Variants in SEMA6D observed in about 807,000 individuals in gnomAD.
SEMA6D encodes the protein semaphorin 6D.
Under a neutral mutation model 106.6 loss-of-function variants are expected in SEMA6D, and 35 were observed. The observed-to-expected ratio is 0.33, with a 90% CI of 0.25 to 0.44. The LOEUF (loss-of-function observed/expected upper bound fraction) is 0.44. Among genes scored for constraint, SEMA6D ranks in the 20% least tolerant of loss-of-function variants. The probability of loss-of-function intolerance (pLI) is 1.00; values close to 1 mark genes in which losing one functional copy is unlikely to be tolerated. For synonymous variants in SEMA6D, 499 were observed against 487.7 expected, an observed-to-expected ratio of 1.02 and a Z score of -0.31; for missense variants, 1,185 against 1,345.9, an observed-to-expected ratio of 0.88 and a Z score of 1.87.
At chr15:47,478,505 A>C (rs1174869780) in intron 3 of SEMA6D, among the ~76,000 whole-genome samples, 2 of 152,214 alleles carry the variant, frequency 1.3e-5, no homozygotes, top group African/African-American at 4.8e-5. Flanking sequence ...GAATAATGCT[A>C]ACCAGAACGG....
Position 47,264,507 on chromosome 15 carries a change from C to G in SEMA6D, c.-239+80089C>G, listed in dbSNP as rs137972903. 8.7e-4 allele frequency among the ~76,000 whole-genome samples: 132 copies of G among 152,116 alleles called. 1 individual carries two copies. In the East Asian group the frequency reaches 0.023, roughly 27 times the overall value. ...AAAACAGTTGTACCATCTTACATTC[C>G]CATCAGCAAGGTACGAGAATTCTCT... On this transcript the variant is annotated intron_variant, in intron 1 of 19. Transcript: ENST00000558014.
intron 2 of SEMA6D, among the ~76,000 whole-genome samples, chr15:47,454,561 A>T (rs2042287356): frequency 1.3e-5 from 2 of 151,152 alleles, no homozygotes; most frequent in South Asian, 4.2e-4. Context: ...ACAGCTAAAG[A>T]TGCCTTCACA....
intron 5 of SEMA6D, 29 bp downstream of exon 5, chr15:47,761,249 A>T: frequency 6.2e-7 from 1 of 1,613,008 alleles, no homozygotes; most frequent in Non-Finnish European, 8.5e-7. Context: ...TGTCTGCTAG[A>T]TTTAGTCTTT....
At chr15:47,327,709 T>C (rs1402968907) in intron 1 of SEMA6D, among the ~76,000 whole-genome samples, 2 of 152,186 alleles carry the variant, frequency 1.3e-5, no homozygotes, top group Non-Finnish European at 2.9e-5. Flanking sequence ...CATGGCATGC[T>C]GTGTTGGACT....
intron 1 of SEMA6D, among the ~76,000 whole-genome samples, chr15:47,364,590 A>G (rs1489655167): frequency 6.6e-6 from 1 of 152,206 alleles, no homozygotes; most frequent in Non-Finnish European, 1.5e-5. Flanking sequence ...CCAACATAGA[A>G]TGCAACATAG....
At chr15:47,736,845 C>T (rs770120274) in intron 1 of SEMA6D, among the ~76,000 whole-genome samples, 1 of 151,098 alleles carries the variant, frequency 6.6e-6, no homozygotes, top group Non-Finnish European at 1.5e-5. Flanking sequence ...TAGATTAGAC[C>T]ACTGAGAAGT....
intron 1 of SEMA6D, among the ~76,000 whole-genome samples, chr15:47,250,942 C>G (rs774221851): frequency 1.3e-5 from 2 of 152,176 alleles, no homozygotes; most frequent in Non-Finnish European, 2.9e-5. Context: ...TAGAAAGATA[C>G]GATTTTAAAT....
chr15:47,232,433 C>T (rs932847548), intron 1 of SEMA6D, among the ~76,000 whole-genome samples: 1 of 151,762 alleles, frequency 6.6e-6, no homozygotes, highest in Non-Finnish European at 1.5e-5. Context: ...GTGTTTTCTA[C>T]TGTAGCCGTA....
chr15:47,633,322 A>G (rs8035585), intron 4 of SEMA6D, among the ~76,000 whole-genome samples: 1,926 of 152,236 alleles, frequency 0.013, 43 homozygotes, highest in African/African-American at 0.044. Flanking sequence ...AGATTTTCTA[A>G]CAGCAAATTA....
intron 2 of SEMA6D, among the ~76,000 whole-genome samples, chr15:47,436,884 C>T (rs1043248199): frequency 4.2e-5 from 6 of 144,000 alleles, no homozygotes; most frequent in African/African-American, 1.3e-4. Context: ...CAGTGAGCTG[C>T]AATTGTGCCA....
At chr15:47,323,149 G>T (rs2036990798) in intron 1 of SEMA6D, among the ~76,000 whole-genome samples, 1 of 151,998 alleles carries the variant, frequency 6.6e-6, no homozygotes, top group Admixed American at 6.6e-5. Flanking sequence ...CGTAGTTTGG[G>T]GAGTAGGAGG....
At chr15:47,329,347 C>T (rs1224514513) in intron 1 of SEMA6D, among the ~76,000 whole-genome samples, 1 of 152,170 alleles carries the variant, frequency 6.6e-6, no homozygotes, top group Admixed American at 6.5e-5. Context: ...AGCTGCACAG[C>T]TCATAGCATG....
At chr15:47,479,010 A>C (rs1156819973) in intron 3 of SEMA6D, among the ~76,000 whole-genome samples, 1 of 151,982 alleles carries the variant, frequency 6.6e-6, no homozygotes, top group Non-Finnish European at 1.5e-5. Flanking sequence ...CCCATGATTC[A>C]ATTGCCTCCA....
intron 3 of SEMA6D, among the ~76,000 whole-genome samples, chr15:47,587,553 G>A: frequency 6.6e-6 from 1 of 152,118 alleles, no homozygotes; most frequent in East Asian, 1.9e-4. Flanking sequence ...AATAAATTCT[G>A]CCTTCAGTGA....
At chr15:47,508,918 A>G (rs1248433027) in intron 3 of SEMA6D, among the ~76,000 whole-genome samples, 1 of 152,228 alleles carries the variant, frequency 6.6e-6, no homozygotes, top group Non-Finnish European at 1.5e-5. Context: ...AATGCATAGA[A>G]CAGTGCCTGG....
intron 3 of SEMA6D, among the ~76,000 whole-genome samples, chr15:47,471,790 A>T (rs1478737814): frequency 6.6e-6 from 1 of 152,138 alleles, no homozygotes; most frequent in Non-Finnish European, 1.5e-5. Flanking sequence ...CATGTCTATG[A>T]AAGAAAATGC....
At position 47,628,336 on chromosome 15, in the gene SEMA6D, G is replaced by A. The variant is rs2077237532; in HGVS notation, c.-55+27440G>A. Among the ~76,000 whole-genome samples, 2 of 152,020 alleles carry A rather than the reference G, an allele frequency of 1.3e-5. 1 individual carries two copies. The highest frequency in any genetic ancestry group is 4.1e-4 in the South Asian group (2 of 4,830). Reference sequence around the variant, plus strand: ...TAGTTTTCTTTATAGAAACTGCCAAGTTGTTTTACAAAAGAATAGCTATAC... The same window carrying A: ...TAGTTTTCTTTATAGAAACTGCCAAATTGTTTTACAAAAGAATAGCTATAC... On this transcript the variant is annotated intron_variant, in intron 4 of 19. Transcript: ENST00000558014.
chr15:47,623,961 TGGAATCAAAGTCTA>T (rs1387641659), intron 4 of SEMA6D, among the ~76,000 whole-genome samples: 2 of 152,156 alleles, frequency 1.3e-5, no homozygotes, highest in Admixed American at 6.5e-5. Context: ...GTGTCCCCAC[TGGAATCAAAGTCTA>T]GGCTCCTGAC....
At chr15:47,239,028 G>T (rs1007462905) in intron 1 of SEMA6D, among the ~76,000 whole-genome samples, 3 of 152,158 alleles carry the variant, frequency 2.0e-5, no homozygotes, top group African/African-American at 7.2e-5. Flanking sequence ...CAGGAGGTGA[G>T]CAGAGGTCAA....
Sources: allele counts gnomAD v4.1 joint callset (sites outside exome capture counted in the v4.1 genomes callset), GRCh38; gene constraint gnomAD v4.1.1; transcripts MANE v1.5; gene names NCBI Gene and HGNC (gene_info 2026-07-23, HGNC 2026-07-21).